LIF: variants seen among roughly 807,000 people sequenced by gnomAD.
The protein encoded by LIF is LIF interleukin 6 family cytokine.
A neutral mutation model predicts 15.0 loss-of-function variants in LIF; 9 were observed. The ratio of observed to expected loss-of-function variants is 0.60; its 90% confidence interval spans 0.36 to 1.04. LIF has a LOEUF of 1.04. Among genes scored for constraint, LIF ranks in the 50% least tolerant of loss-of-function variants. The pLI is 0.01. For synonymous variants in LIF, 122 were observed against 119.7 expected (o/e 1.02, Z -0.13); for missense variants, 240 against 266.7 (o/e 0.90, Z 0.70).
At position 30,242,690 on chromosome 22, in the gene LIF, G is replaced by A. The variant is rs569818313; in HGVS notation, c.*961C>T. The A allele has an allele frequency of 4.6e-5, 7 of 152,748 alleles. No homozygotes were observed. The highest frequency in any genetic ancestry group is 2.1e-4 in the South Asian group (1 of 4,812). The allele number at this position is 152,748 out of a possible 1,614,324, so 9.5% of individuals were successfully genotyped here. Reference sequence around the variant, plus strand: ...TTCCCTTGCCCTGGGGACCAGAGACGGCCTCCAGTCCCCCTCAAGTACCTC... The same window carrying A: ...TTCCCTTGCCCTGGGGACCAGAGACAGCCTCCAGTCCCCCTCAAGTACCTC... On this transcript the variant is annotated 3_prime_UTR_variant, in exon 3 of 3. Transcript: ENST00000249075.
chr22:30,242,330 G>A lies in LIF; in HGVS notation c.*1321C>T, dbSNP rs1039947101. On this transcript the variant is annotated 3_prime_UTR_variant, in exon 3 of 3. Coordinates refer to ENST00000249075, the MANE Select transcript of LIF (RefSeq NM_002309.5). ...TAAAGCAAGTCACAGTAGGGGATGGGGGGGGGTGGAGCAAGGCCCCCCACT... is the reference window on the plus strand; with the variant it reads ...TAAAGCAAGTCACAGTAGGGGATGGAGGGGGGTGGAGCAAGGCCCCCCACT... 2 of 82,282 alleles carry A rather than the reference G, an allele frequency of 2.4e-5. No individual in the cohort carries two copies. Among genetic ancestry groups the A allele is most frequent in the East Asian group, 5.1e-4 (1 of 1,972 alleles). The allele number at this position is 82,282 out of a possible 1,614,324, so 5.1% of individuals were successfully genotyped here. A position where few individuals can be genotyped will look rare whatever the true frequency, so the allele number is the denominator to read the frequency against.
Position 30,241,673 on chromosome 22 carries a change from C to T in LIF, c.*1978G>A, listed in dbSNP as rs918501197. The T allele has an allele frequency of 2.0e-5, 3 of 152,716 alleles. No individual in the cohort carries two copies. Among genetic ancestry groups the T allele is most frequent in the African/African-American group, 4.8e-5 (2 of 41,464 alleles). The allele number at this position is 152,716 out of a possible 1,614,324, so 9.5% of individuals were successfully genotyped here. A position where few individuals can be genotyped will look rare whatever the true frequency, so the allele number is the denominator to read the frequency against. ...CGGAGGAACTTGGAGGCCGGCAGCC[C>T]GCTCAGGGTTTGAGAAGAAGCCAGA... On this transcript the variant is annotated 3_prime_UTR_variant, in exon 3 of 3. Coordinates refer to ENST00000249075, the MANE Select transcript of LIF (RefSeq NM_002309.5). The surrounding 1 kb of genome is among the most constrained non-coding windows in gnomAD (Gnocchi z 4.4).
At chr22:30,244,373 C>G (rs1457866256) in intron 2 of LIF, among the ~76,000 whole-genome samples, 2 of 152,160 alleles carry the variant, frequency 1.3e-5, no homozygotes, top group East Asian at 1.9e-4. Flanking sequence ...GTACTTCCAT[C>G]CCTGCACTCA....
In LIF at chr22:30,242,973, C is replaced by T. The variant is rs189398139; in HGVS notation, c.*678G>A. The T allele has an allele frequency of 1.7e-3, 270 of 156,838 alleles. 1 individual carries two copies. Among genetic ancestry groups the T allele is most frequent in the Non-Finnish European group, 2.9e-3 (202 of 70,728 alleles). The allele number at this position is 156,838 out of a possible 1,614,324, so 9.7% of individuals were successfully genotyped here. A position where few individuals can be genotyped will look rare whatever the true frequency, so the allele number is the denominator to read the frequency against. On this transcript the variant is annotated 3_prime_UTR_variant, in exon 3 of 3. Coordinates refer to ENST00000249075, the MANE Select transcript of LIF (RefSeq NM_002309.5). ...AAGAACCTACCAAAGCTTTCCAGGC[C>T]TCTCCTCCTCCCAGTGTCTTCCTTC...
In LIF at chr22:30,243,910, C is replaced by A; in HGVS notation, c.350G>T (p.Gly117Val). ...GATCTTCTGGTCCCGGGTGATGTTG[C>A]CCAGGGAGGTGCCAAGGTACACGAC... is the stretch of plus-strand genomic sequence containing the variant. ...RIVVYLGTSLGNITRDQKILN... is the reference protein window; with the variant it reads ...RIVVYLGTSLVNITRDQKILN... The change falls in exon 3 of 3, where the codon GGC (glycine) becomes GTC (valine). Residue 117 changes from glycine to valine, a missense_variant. Coordinates refer to ENST00000249075, the MANE Select transcript of LIF (RefSeq NM_002309.5). This position sits in a 1 kb window ranked among gnomAD's most constrained non-coding sequence, Gnocchi z 6.0. 2 of 1,614,174 alleles carry A rather than the reference C, an allele frequency of 1.2e-6. No homozygotes were observed. The highest frequency in any genetic ancestry group is 1.7e-6 in the Non-Finnish European group (2 of 1,180,024).
chr22:30,244,673 C>T, intron 2 of LIF, 82 bp downstream of exon 2: 5 of 1,371,780 alleles, frequency 3.6e-6, no homozygotes, highest in Non-Finnish European at 5.1e-6. Flanking sequence ...AAGGTCCCCT[C>T]AACCCAGATC....
intron 1 of LIF, chr22:30,246,382 G>C: frequency 1.2e-6 from 1 of 814,334 alleles, no homozygotes; most frequent in East Asian, 4.5e-5. Context: ...AGCAGCCAGC[G>C]AGTGTCCGGA....
Position 30,244,007 on chromosome 22 carries a change from T to G in LIF, c.253A>C (p.Asn85His). Reference sequence around the variant, plus strand: ...TGGAAGGGCGGGAAGTCCGTCACGTTGGGGCCACATAGCTTGTCCAGGTTG... The same window carrying G: ...TGGAAGGGCGGGAAGTCCGTCACGTGGGGGCCACATAGCTTGTCCAGGTTG... Reference protein sequence around the residue: ...PNNLDKLCGPNVTDFPPFHAN... With the variant: ...PNNLDKLCGPHVTDFPPFHAN... The change falls in exon 3 of 3, where the codon AAC (asparagine) becomes CAC (histidine). Residue 85 changes from asparagine (N) to histidine (H), a missense_variant. Transcript: ENST00000249075. The G allele has an allele frequency of 1.9e-6, 3 of 1,613,450 alleles. No homozygotes were observed. Among genetic ancestry groups the G allele is most frequent in the Non-Finnish European group, 2.5e-6 (3 of 1,179,994 alleles).
rs1267173136 is a variant in LIF at position 30,243,165 on chromosome 22, T to C, written c.*486A>G. 4.9e-6 allele frequency: 1 copy of C among 202,420 alleles called. No individual in the cohort carries two copies. The highest frequency in any genetic ancestry group is 1.0e-5 in the Non-Finnish European group (1 of 97,374). The allele number at this position is 202,420 out of a possible 1,614,324, so 12.5% of individuals were successfully genotyped here. ...CTCTCTATCTTCCACTCATCAAACTTCTAGGGGACAAGGAGTCCTTTGGGA... is the reference window on the plus strand; with the variant it reads ...CTCTCTATCTTCCACTCATCAAACTCCTAGGGGACAAGGAGTCCTTTGGGA... On this transcript the variant is annotated 3_prime_UTR_variant, in exon 3 of 3. Coordinates refer to ENST00000249075, the MANE Select transcript of LIF (RefSeq NM_002309.5). The surrounding 1 kb of genome is among the most constrained non-coding windows in gnomAD (Gnocchi z 6.0).
chr22:30,244,987 G>C, intron 1 of LIF, 54 bp from the exon 2 acceptor site: 1 of 1,577,290 alleles, frequency 6.3e-7, no homozygotes, highest in Non-Finnish European at 8.7e-7. Flanking sequence ...GGGTGGCCTG[G>C]GGTCATGGCA....
chr22:30,241,929 T>TG lies in LIF; in HGVS notation c.*1721dup, dbSNP rs1343707102. The TG allele has an allele frequency of 3.9e-5, 6 of 152,654 alleles. No individual in the cohort carries two copies. Among genetic ancestry groups the TG allele is most frequent in the African/African-American group, 1.5e-4 (6 of 41,344 alleles). The allele number at this position is 152,654 out of a possible 1,614,324, so 9.5% of individuals were successfully genotyped here. A position where few individuals can be genotyped will look rare whatever the true frequency, so the allele number is the denominator to read the frequency against. ...CTCCCTCTCCTCCTCTTGGGAGCAA[T>TG]GGGCAGCTGATCCCCCCAGTCTACC... On this transcript the variant is annotated 3_prime_UTR_variant, in exon 3 of 3. Coordinates refer to ENST00000249075, the MANE Select transcript of LIF (RefSeq NM_002309.5). This position sits in a 1 kb window ranked among gnomAD's most constrained non-coding sequence, Gnocchi z 4.4.
rs188050060 is a variant in LIF, at chr22:30,240,545, A to T, written c.*3106T>A. ...AATAAATATTTTAAATATGACATTG[A>T]ATAAATAAAAATAATCTGTCAGTAT... On this transcript the variant is annotated 3_prime_UTR_variant, in exon 3 of 3. Transcript: ENST00000249075. The T allele has an allele frequency of 6.5e-6, 1 of 152,720 alleles. No individual in the cohort carries two copies. The highest frequency in any genetic ancestry group is 2.4e-5 in the African/African-American group (1 of 41,566). 9.5% of individuals were successfully genotyped at this position (152,720 alleles called of 1,614,324 possible). A position where few individuals can be genotyped will look rare whatever the true frequency, so the allele number is the denominator to read the frequency against.
chr22:30,244,886 T>TC lies in LIF; in HGVS notation c.66dup (p.Ser23GlufsTer127). 1.2e-6 allele frequency: 2 copies of TC among 1,613,718 alleles called. No individual in the cohort carries two copies. Among genetic ancestry groups the TC allele is most frequent in the Non-Finnish European group, 1.7e-6 (2 of 1,179,838 alleles). ...TTGACAGGGGTGATGGGGAGGGGGC[T>TC]CCCCGCCCCATGTTTCCAGTGCAGA... On this transcript the variant is annotated frameshift_variant, in exon 2 of 3. Transcript: ENST00000249075. LOFTEE classifies it high-confidence loss of function.
At chr22:30,244,648 TCCTTCCAGC>T in intron 2 of LIF, 98 bp downstream of exon 2, 1 of 1,074,408 alleles carries the variant, frequency 9.3e-7, no homozygotes, top group South Asian at 1.3e-5. Flanking sequence ...CCCCATTCTC[TCCTTCCAGC>T]CCCAAAAGGT....
chr22:30,245,491 A>G (rs923982727), intron 1 of LIF, among the ~76,000 whole-genome samples: 24 of 151,670 alleles, frequency 1.6e-4, no homozygotes, highest in Non-Finnish European at 1.3e-4. Context: ...TCCCTCCCAA[A>G]CCTGCCACTT....
At chr22:30,244,160 G>T (rs974580666) in intron 2 of LIF, 99 bp from the exon 3 acceptor site, 2 of 1,182,266 alleles carry the variant, frequency 1.7e-6, no homozygotes, top group Non-Finnish European at 2.4e-6. Flanking sequence ...TCCCCATCTA[G>T]CGCATGAGGA....
intron 1 of LIF, chr22:30,246,448 T>C: frequency 2.5e-6 from 3 of 1,209,294 alleles, no homozygotes; most frequent in Non-Finnish European, 2.1e-6. Flanking sequence ...GGAGGAAGGC[T>C]CGGCGCCCCC....
In LIF at chr22:30,242,918, G is replaced by A. The variant is rs975641701; in HGVS notation, c.*733C>T. ...AGCCATCAGACCCTGGCCATCCCAGGCTGCAGGGAAGATCACGGGGAAGAG... is the reference window on the plus strand; with the variant it reads ...AGCCATCAGACCCTGGCCATCCCAGACTGCAGGGAAGATCACGGGGAAGAG... On this transcript the variant is annotated 3_prime_UTR_variant, in exon 3 of 3. Coordinates refer to ENST00000249075, the MANE Select transcript of LIF (RefSeq NM_002309.5). 6.5e-6 allele frequency: 1 copy of A among 154,208 alleles called. No homozygotes were observed. Among genetic ancestry groups the A allele is most frequent in the Non-Finnish European group, 1.4e-5 (1 of 69,366 alleles). The allele number at this position is 154,208 out of a possible 1,614,324, so 9.6% of individuals were successfully genotyped here. A position where few individuals can be genotyped will look rare whatever the true frequency, so the allele number is the denominator to read the frequency against.
chr22:30,244,067 G>A lies in LIF; in HGVS notation c.199-6C>T. 1 of 1,595,176 alleles carries A rather than the reference G, an allele frequency of 6.3e-7. No homozygotes were observed. Among genetic ancestry groups the A allele is most frequent in the Non-Finnish European group, 8.5e-7 (1 of 1,171,066 alleles). Reference sequence around the variant, plus strand: ...GGCTCCCCCTGGGCTGTGTACTGAGGGGCAGAAGGGAGGTGACGTGGGAGT... The same window carrying A: ...GGCTCCCCCTGGGCTGTGTACTGAGAGGCAGAAGGGAGGTGACGTGGGAGT... On this transcript the variant is annotated splice_region_variant and splice_polypyrimidine_tract_variant and intron_variant, in intron 2 of 2. Coordinates refer to ENST00000249075, the MANE Select transcript of LIF (RefSeq NM_002309.5).
Sources: allele counts gnomAD v4.1 joint callset (sites outside exome capture counted in the v4.1 genomes callset), GRCh38; gene constraint gnomAD v4.1.1; non-coding constraint Gnocchi (gnomAD v3.1); transcripts MANE v1.5; gene names NCBI Gene and HGNC (gene_info 2026-07-23, HGNC 2026-07-21).